The following NRP1 variants were observed in gnomAD, a reference collection of about 807,000 sequenced individuals.
NRP1 encodes the protein neuropilin 1.
In NRP1, 35 loss-of-function variants were observed where a neutral mutation model predicts 106.7. The observed-to-expected ratio is 0.33, with a 90% CI of 0.25 to 0.43. The LOEUF is 0.43. Among genes scored for constraint, NRP1 ranks in the 20% least tolerant of loss-of-function variants. NRP1 has a pLI of 1.00. For synonymous variants in NRP1, 437 were observed against 417.9 expected, an observed-to-expected ratio of 1.05 and a Z score of -0.56; for missense variants, 1,024 against 1,170.4, an observed-to-expected ratio of 0.87 and a Z score of 1.83.
chr10:33,203,433 C>T (rs917714534), intron 10 of NRP1, among the ~76,000 whole-genome samples: 1 of 151,988 alleles, frequency 6.6e-6, no homozygotes, highest in Admixed American at 6.6e-5. Context: ...ACTATGTTTG[C>T]TAAGTTTATA....
At chr10:33,190,179 A>G (rs139644801) in intron 13 of NRP1, among the ~76,000 whole-genome samples, 124 of 152,270 alleles carry the variant, frequency 8.1e-4, no homozygotes, top group Non-Finnish European at 1.2e-3. Context: ...CATTTTCTCA[A>G]TTAGCACTTT....
chr10:33,222,197 C>T (rs1839299765), intron 7 of NRP1, among the ~76,000 whole-genome samples: 1 of 152,178 alleles, frequency 6.6e-6, no homozygotes, highest in African/African-American at 2.4e-5. Context: ...ATACTGTAGA[C>T]GTGTCATGGG....
intron 11 of NRP1, among the ~76,000 whole-genome samples, chr10:33,198,567 G>C (rs888491535): frequency 4.6e-5 from 7 of 151,842 alleles, no homozygotes; most frequent in African/African-American, 1.5e-4. Flanking sequence ...GCACACAATT[G>C]CAACAGTGAA....
chr10:33,276,616 A>G (rs1237071060), intron 2 of NRP1, among the ~76,000 whole-genome samples: 2 of 152,200 alleles, frequency 1.3e-5, no homozygotes, highest in African/African-American at 4.8e-5. Flanking sequence ...AATATTGCCT[A>G]CTTCGGGGCA....
intron 7 of NRP1, among the ~76,000 whole-genome samples, chr10:33,222,971 G>T (rs1839378144): frequency 6.6e-6 from 1 of 152,218 alleles, no homozygotes; most frequent in African/African-American, 2.4e-5. Flanking sequence ...GAGGACTAGA[G>T]AGTTTACCAT....
intron 2 of NRP1, 67 bp from the exon 3 acceptor site, chr10:33,270,923 G>A (rs1052500616): frequency 7.4e-7 from 1 of 1,356,654 alleles, no homozygotes; most frequent in East Asian, 2.4e-5. Flanking sequence ...CAATAATTTA[G>A]ACACCAGCAT....
intron 6 of NRP1, among the ~76,000 whole-genome samples, chr10:33,242,803 T>G (rs890514266): frequency 2.6e-5 from 4 of 152,204 alleles, no homozygotes; most frequent in African/African-American, 7.2e-5. Flanking sequence ...GCTTTAGCCC[T>G]AGGTAAACAC....
Position 33,283,121 on chromosome 10 carries a change from G to A in NRP1, c.249-12265C>T, listed in dbSNP as rs182466244. 6.9e-3 allele frequency among the ~76,000 whole-genome samples: 1,046 copies of A among 152,260 alleles called. 11 individuals are homozygous for A. Among genetic ancestry groups the A allele is most frequent in the African/African-American group, 0.024 (994 of 41,556 alleles). On this transcript the variant is annotated intron_variant, in intron 2 of 16. Transcript: ENST00000374867. ...TTCAACAGACCCTTCCAGTTTCCTTGAAGTACAAACTGCTAAGATAACCGC... is the reference window on the plus strand; with the variant it reads ...TTCAACAGACCCTTCCAGTTTCCTTAAAGTACAAACTGCTAAGATAACCGC...
intron 9 of NRP1, among the ~76,000 whole-genome samples, chr10:33,209,957 C>T (rs1336848894): frequency 6.6e-6 from 1 of 152,204 alleles, no homozygotes; most frequent in Non-Finnish European, 1.5e-5. Flanking sequence ...GAGCCATGCC[C>T]AGTAGCTGTG....
chr10:33,270,353 G>A (rs1019534022), intron 3 of NRP1, among the ~76,000 whole-genome samples: 4 of 147,274 alleles, frequency 2.7e-5, no homozygotes, highest in Non-Finnish European at 4.5e-5. Context: ...TTGAGACAGA[G>A]TCTCGCTCTG....
intron 10 of NRP1, 50 bp downstream of exon 10, chr10:33,207,522 A>G (rs748558081): frequency 1.9e-6 from 3 of 1,607,484 alleles, no homozygotes; most frequent in Non-Finnish European, 2.6e-6. Context: ...AAATGCATGG[A>G]AGAGGAAATT....
intron 11 of NRP1, among the ~76,000 whole-genome samples, chr10:33,199,239 C>T (rs1837029879): frequency 6.6e-6 from 1 of 150,846 alleles, no homozygotes; most frequent in Non-Finnish European, 1.5e-5. Context: ...TGCTGTCACC[C>T]AGGCTGGAGT....
chr10:33,218,447 G>A (rs534169290), intron 8 of NRP1, among the ~76,000 whole-genome samples: 1 of 151,118 alleles, frequency 6.6e-6, no homozygotes, highest in Non-Finnish European at 1.5e-5. Context: ...CTGGGTTCAC[G>A]CCATTCTCCT....
At chr10:33,193,189 T>C (rs1263332830) in intron 12 of NRP1, among the ~76,000 whole-genome samples, 1 of 152,162 alleles carries the variant, frequency 6.6e-6, no homozygotes, top group Admixed American at 6.6e-5. Context: ...AAAGACAGCG[T>C]GAATGAATTC....
rs904519030 is a variant in NRP1, at chr10:33,224,398, GT to G, written c.1137+1735del. Among the ~76,000 whole-genome samples, 8 of 150,716 alleles carry G rather than the reference GT, an allele frequency of 5.3e-5. No homozygotes were observed. In the South Asian group the frequency reaches 6.4e-4, roughly 12 times the overall value. On this transcript the variant is annotated intron_variant, in intron 7 of 16. Transcript: ENST00000374867. ...ACATGTTGGTGAAATAGCCCGTATG[GT>G]TTTTTTTTCCTTAACAAAAAATGGT...
chr10:33,282,561 A>G (rs1391998515), intron 2 of NRP1, among the ~76,000 whole-genome samples: 1 of 152,174 alleles, frequency 6.6e-6, no homozygotes, highest in Non-Finnish European at 1.5e-5. Context: ...ACTACCATAG[A>G]ACCTTTTCAG....
intron 2 of NRP1, among the ~76,000 whole-genome samples, chr10:33,299,782 T>C (rs180880454): frequency 1.1e-4 from 16 of 152,144 alleles, no homozygotes; most frequent in African/African-American, 3.9e-4. Context: ...AGAGACCCCG[T>C]CTCTAAAAAA....
intron 6 of NRP1, among the ~76,000 whole-genome samples, chr10:33,243,611 G>A (rs1841187536): frequency 1.5e-5 from 2 of 130,850 alleles, no homozygotes; most frequent in South Asian, 4.8e-4. Context: ...CTGAAAGAAG[G>A]CAATTAGAAT....
chr10:33,207,868 A>C, intron 9 of NRP1, 152 bp from the exon 10 acceptor site: 1 of 684,104 alleles, frequency 1.5e-6, no homozygotes. Context: ...ATAAACGAGA[A>C]AGGAAAAAAA....
Sources: gnomAD v4.1 joint callset for allele counts (sites outside exome capture counted in the v4.1 genomes callset) on GRCh38, gnomAD v4.1.1 for gene constraint, MANE v1.5 for transcripts, NCBI Gene and HGNC (gene_info 2026-07-23, HGNC 2026-07-21) for gene names.